ABCB1: variants seen among roughly 807,000 people sequenced by gnomAD.
The protein encoded by ABCB1 is ATP binding cassette subfamily B member 1, also known as ATP-dependent translocase ABCB1.
Under a neutral mutation model 142.0 loss-of-function variants are expected in ABCB1, and 69 were observed. That is an observed-to-expected ratio of 0.49 (90% CI 0.40 to 0.59). ABCB1 has a LOEUF of 0.59. Ranked by LOEUF, ABCB1 falls within the 20% of genes least tolerant of loss-of-function variation. The pLI, the probability that ABCB1 is intolerant of heterozygous loss-of-function variation, is 0.00. For synonymous variants in ABCB1, 532 were observed against 539.2 expected (o/e 0.99, Z 0.18); for missense variants, 1,326 against 1,554.7 (o/e 0.85, Z 2.47).
chr7:87,560,932 A>T (rs1325105365), intron 8 of ABCB1, among the ~76,000 whole-genome samples: 2 of 152,208 alleles, frequency 1.3e-5, no homozygotes, highest in Non-Finnish European at 2.9e-5. Flanking sequence ...ATGTCCCCAT[A>T]GATCTTACAC....
intron 1 of ABCB1, among the ~76,000 whole-genome samples, chr7:87,658,033 G>C (rs1824292853): frequency 6.6e-6 from 1 of 152,098 alleles, no homozygotes; most frequent in South Asian, 2.1e-4. Context: ...CCAAGAACCA[G>C]GAAGATCTCA....
chr7:87,617,029 A>G (rs569630650), intron 1 of ABCB1, among the ~76,000 whole-genome samples: 1 of 152,312 alleles, frequency 6.6e-6, no homozygotes, highest in Admixed American at 6.5e-5. Flanking sequence ...GGAGTGGGAT[A>G]CAAGTTGATT....
intron 4 of ABCB1, among the ~76,000 whole-genome samples, chr7:87,573,272 A>G (rs1325225748): frequency 1.3e-5 from 2 of 151,962 alleles, no homozygotes; most frequent in Non-Finnish European, 2.9e-5. Flanking sequence ...AGTTTGTAGG[A>G]CCTCATTATC....
At chr7:87,705,667 A>G (rs1279347054) in intron 1 of ABCB1, among the ~76,000 whole-genome samples, 2 of 152,200 alleles carry the variant, frequency 1.3e-5, no homozygotes, top group Non-Finnish European at 2.9e-5. Context: ...CTTAGGTTTC[A>G]CACTAGAATC....
At chr7:87,675,484 G>T (rs1027755796) in intron 1 of ABCB1, among the ~76,000 whole-genome samples, 1 of 151,824 alleles carries the variant, frequency 6.6e-6, no homozygotes, top group East Asian at 1.9e-4. Flanking sequence ...GAAACAGCTT[G>T]GTACTAAAAC....
chr7:87,640,943 C>T (rs1822388246), intron 1 of ABCB1, among the ~76,000 whole-genome samples: 1 of 152,098 alleles, frequency 6.6e-6, no homozygotes, highest in African/African-American at 2.4e-5. Flanking sequence ...CATTTCTTCT[C>T]ATCTCTTGAA....
chr7:87,535,910 T>G (rs1211885245), intron 20 of ABCB1, among the ~76,000 whole-genome samples: 1 of 152,210 alleles, frequency 6.6e-6, no homozygotes, highest in African/African-American at 2.4e-5. Flanking sequence ...AACCTGCTGG[T>G]TCAATAGTAT....
At chr7:87,704,969 A>G (rs184140957) in intron 1 of ABCB1, among the ~76,000 whole-genome samples, 1 of 152,356 alleles carries the variant, frequency 6.6e-6, no homozygotes, top group African/African-American at 2.4e-5. Context: ...GACACATGTG[A>G]AAAGATATTT....
chr7:87,561,655 C>A (rs370693738), intron 7 of ABCB1, among the ~76,000 whole-genome samples: 3 of 152,210 alleles, frequency 2.0e-5, no homozygotes, highest in East Asian at 3.9e-4. Context: ...CGTTATTGTA[C>A]CTAGAATGCT....
chr7:87,580,608 A>G (rs920924591), intron 4 of ABCB1, among the ~76,000 whole-genome samples: 7 of 152,124 alleles, frequency 4.6e-5, no homozygotes, highest in African/African-American at 1.7e-4. Flanking sequence ...AGGCTTGGGA[A>G]ATTCTGTGTT....
At chr7:87,567,124 T>C in intron 5 of ABCB1, 148 bp from the exon 6 acceptor site, 1 of 753,158 alleles carries the variant, frequency 1.3e-6, no homozygotes, top group Non-Finnish European at 2.3e-6. Context: ...GCAGAGTTGA[T>C]AGTCACCATC....
rs544718450 is a variant in ABCB1 at position 87,700,877 on chromosome 7, T to A, written c.-331+12284A>T. ...CTGCCAATGCAGACACAATGGTGGA[T>A]AAAACTGTTGGAACCTTAGCACGAA... On this transcript the variant is annotated intron_variant, in intron 1 of 28. Coordinates refer to the ABCB1 transcript ENST00000265724. Among the ~76,000 whole-genome samples the A allele has an allele frequency of 3.2e-4, 48 of 152,364 alleles. No homozygotes were observed. The South Asian group carries it at 7.5e-3, about 24-fold the overall frequency.
intron 1 of ABCB1, among the ~76,000 whole-genome samples, chr7:87,659,901 G>T (rs767379268): frequency 5.9e-5 from 9 of 152,040 alleles, no homozygotes; most frequent in Non-Finnish European, 1.3e-4. Flanking sequence ...TTAATGTGAA[G>T]AATTACATCA....
At chr7:87,709,890 C>G (rs1829913827) in intron 1 of ABCB1, among the ~76,000 whole-genome samples, 1 of 152,082 alleles carries the variant, frequency 6.6e-6, no homozygotes, top group Non-Finnish European at 1.5e-5. Flanking sequence ...AATAGAAAGT[C>G]CGTAAGAAAA....
Position 87,504,468 on chromosome 7 carries a change from G to A in ABCB1, c.3637-19C>T, listed in dbSNP as rs772846826. The A allele has an allele frequency of 6.2e-7, 1 of 1,613,768 alleles. No homozygotes were observed. Among genetic ancestry groups the A allele is most frequent in the Non-Finnish European group, 8.5e-7 (1 of 1,179,790 alleles). On this transcript the variant is annotated intron_variant, in intron 27 of 27. Coordinates refer to ENST00000622132, the MANE Select transcript of ABCB1 (RefSeq NM_001348946.2). ...GGACAACCTATTCCATAATCACATA[G>A]ATTAATTCTCATAATAGTTCTTTTC...
intron 23 of ABCB1, among the ~76,000 whole-genome samples, chr7:87,518,470 A>T (rs1815346305): frequency 1.3e-5 from 2 of 152,222 alleles, no homozygotes; most frequent in African/African-American, 4.8e-5. Flanking sequence ...TAGCACCTGC[A>T]TATCATTTGT....
intron 9 of ABCB1, among the ~76,000 whole-genome samples, chr7:87,551,619 TA>T (rs1817072020): frequency 6.6e-6 from 1 of 152,020 alleles, no homozygotes; most frequent in African/African-American, 2.4e-5. Flanking sequence ...GTCTCCGAAG[TA>T]GCTGGGACTA....
chr7:87,524,180 A>G (rs1382070014), intron 21 of ABCB1, among the ~76,000 whole-genome samples: 1 of 152,240 alleles, frequency 6.6e-6, no homozygotes, highest in African/African-American at 2.4e-5. Flanking sequence ...AAAATTAGTA[A>G]CATTCTTAGA....
At chr7:87,540,320 G>A (rs555722988) in intron 18 of ABCB1, among the ~76,000 whole-genome samples, 8 of 152,248 alleles carry the variant, frequency 5.3e-5, no homozygotes, top group African/African-American at 1.4e-4. Context: ...CTAGTTTACC[G>A]CTAAGGAAAC....
Sources: allele counts gnomAD v4.1 joint callset (sites outside exome capture counted in the v4.1 genomes callset), GRCh38; gene constraint gnomAD v4.1.1; transcripts MANE v1.5; gene names NCBI Gene and HGNC (gene_info 2026-07-23, HGNC 2026-07-21).